Variants in ZNF385B observed in about 807,000 individuals in gnomAD.
ZNF385B encodes zinc finger protein 385B, also known as zinc finger protein 533.
Under a neutral mutation model 39.2 loss-of-function variants are expected in ZNF385B, and 23 were observed. That is an observed-to-expected ratio of 0.59 (90% CI 0.42 to 0.83). ZNF385B has a LOEUF of 0.83. ZNF385B is among the 40% of genes least tolerant of loss of function. ZNF385B has a pLI of 0.00. For missense variants in ZNF385B, 552 were observed against 598.9 expected (o/e 0.92, Z 0.82); for synonymous variants, 205 against 222.6 (o/e 0.92, Z 0.70).
intron 5 of ZNF385B, among the ~76,000 whole-genome samples, chr2:179,507,757 T>C (rs79552134): frequency 8.9e-4 from 136 of 152,330 alleles, no homozygotes; most frequent in African/African-American, 3.2e-3. Flanking sequence ...AAATAACTCA[T>C]GTTAACCAGC....
intron 3 of ZNF385B, among the ~76,000 whole-genome samples, chr2:179,739,389 T>A (rs1248403669): frequency 6.6e-6 from 1 of 152,190 alleles, no homozygotes; most frequent in Non-Finnish European, 1.5e-5. Context: ...TAGAGGGATA[T>A]AAAGCACTGC....
intron 6 of ZNF385B, among the ~76,000 whole-genome samples, chr2:179,472,249 A>G (rs1302223882): frequency 6.6e-6 from 1 of 152,228 alleles, no homozygotes; most frequent in East Asian, 1.9e-4. Flanking sequence ...TATTAATCAT[A>G]TGTCCTACAG....
rs528400789 is a variant in ZNF385B, at chr2:179,666,038, T to C, written c.298+103465A>G. Among the ~76,000 whole-genome samples, 5 of 152,292 alleles carry C rather than the reference T, an allele frequency of 3.3e-5. No homozygotes were observed. The East Asian group carries it at 9.6e-4, about 29-fold the overall frequency. On this transcript the variant is annotated intron_variant, in intron 3 of 9. Transcript: ENST00000410066. ...ATTCAGAGGGAGATGGACAAGACCA[T>C]GAAACTTTGTACAAGTCGCACAGTT...
intron 3 of ZNF385B, among the ~76,000 whole-genome samples, chr2:179,610,274 T>C (rs535831999): frequency 6.6e-6 from 1 of 152,266 alleles, no homozygotes; most frequent in Non-Finnish European, 1.5e-5. Context: ...TCTGCATATG[T>C]ATATTCAATT....
At chr2:179,481,577 G>A (rs924751642) in intron 6 of ZNF385B, among the ~76,000 whole-genome samples, 1 of 151,962 alleles carries the variant, frequency 6.6e-6, no homozygotes, top group African/African-American at 2.4e-5. Flanking sequence ...AACTTAAGTG[G>A]AACACTGAGT....
At chr2:179,582,904 C>T (rs1163820740) in intron 3 of ZNF385B, among the ~76,000 whole-genome samples, 1 of 152,130 alleles carries the variant, frequency 6.6e-6, no homozygotes, top group Non-Finnish European at 1.5e-5. Context: ...GGCTGGAGTG[C>T]AGTCATGCAG....
At chr2:179,784,223 C>A (rs1001696088) in intron 1 of ZNF385B, among the ~76,000 whole-genome samples, 1 of 152,130 alleles carries the variant, frequency 6.6e-6, no homozygotes, top group African/African-American at 2.4e-5. Flanking sequence ...AATGCAAGAA[C>A]AGAAAACGGA....
intron 3 of ZNF385B, among the ~76,000 whole-genome samples, chr2:179,575,914 G>C (rs573868497): frequency 5.2e-4 from 79 of 152,120 alleles, no homozygotes; most frequent in Admixed American, 8.5e-4. Context: ...AAATCTATTA[G>C]AATTTCCTCA....
chr2:179,554,866 A>G lies in ZNF385B; in HGVS notation c.299-9897T>C, dbSNP rs904300743. On this transcript the variant is annotated intron_variant, in intron 3 of 9. Transcript: ENST00000410066. ...AAGATGAAGATAATATTAAGTGTCGACAAGGATACAGAGCAACTAGAACTC... is the reference window on the plus strand; with the variant it reads ...AAGATGAAGATAATATTAAGTGTCGGCAAGGATACAGAGCAACTAGAACTC... 1.0e-4 allele frequency among the ~76,000 whole-genome samples: 15 copies of G among 149,412 alleles called. 2 individuals are homozygous for G. The highest frequency in any genetic ancestry group is 3.5e-4 in the African/African-American group (14 of 39,692).
chr2:179,726,472 A>T (rs888294049), intron 3 of ZNF385B, among the ~76,000 whole-genome samples: 5 of 152,020 alleles, frequency 3.3e-5, no homozygotes, highest in Non-Finnish European at 5.9e-5. Flanking sequence ...TCTGTTGCTC[A>T]TTAGGATATG....
At chr2:179,582,926 T>C (rs1686695862) in intron 3 of ZNF385B, among the ~76,000 whole-genome samples, 1 of 152,222 alleles carries the variant, frequency 6.6e-6, no homozygotes, top group African/African-American at 2.4e-5. Flanking sequence ...CTCAGTTCAC[T>C]GCAACCTCTG....
At chr2:179,562,705 G>A (rs1395350996) in intron 3 of ZNF385B, 2 of 547,878 alleles carry the variant, frequency 3.7e-6, no homozygotes, top group African/African-American at 4.1e-5. Flanking sequence ...TAATTTTTCT[G>A]AGTATCCCCC....
intron 4 of ZNF385B, among the ~76,000 whole-genome samples, chr2:179,541,741 A>G (rs2059930827): frequency 2.0e-5 from 3 of 152,172 alleles, no homozygotes; most frequent in Admixed American, 2.0e-4. Context: ...TATTATACAC[A>G]TTCAAAAAAA....
At chr2:179,560,962 C>A (rs931538635) in intron 3 of ZNF385B, among the ~76,000 whole-genome samples, 2 of 152,140 alleles carry the variant, frequency 1.3e-5, no homozygotes, top group African/African-American at 2.4e-5. Flanking sequence ...CGTGCTCCCA[C>A]GACGGTATCT....
At chr2:179,700,453 G>A (rs1699103783) in intron 3 of ZNF385B, among the ~76,000 whole-genome samples, 1 of 147,488 alleles carries the variant, frequency 6.8e-6, no homozygotes, top group South Asian at 2.2e-4. Flanking sequence ...TATGTGCCAG[G>A]GGCTCCCTGG....
At position 179,815,112 on chromosome 2, in the gene ZNF385B, T is replaced by C. The variant is rs918512762; in HGVS notation, c.-154-44440A>G. Among the ~76,000 whole-genome samples, 5 of 152,172 alleles carry C rather than the reference T, an allele frequency of 3.3e-5. No individual in the cohort carries two copies. The East Asian group carries it at 5.8e-4, about 18-fold the overall frequency. On this transcript the variant is annotated intron_variant, in intron 1 of 9. Transcript: ENST00000410066. The stretch of plus-strand genomic sequence containing the variant: ...TGTGCTTTCAAAACGGGAAGAGCTA[T>C]GAGCAAACAAATCGATGAGCTGGGA...
At chr2:179,501,539 G>T (rs567511018) in intron 5 of ZNF385B, among the ~76,000 whole-genome samples, 3 of 152,064 alleles carry the variant, frequency 2.0e-5, no homozygotes, top group African/African-American at 7.2e-5. Flanking sequence ...AACAATTAAA[G>T]TCATGGACAC....
rs561352262 is a variant in ZNF385B, at chr2:179,628,942, C to G, written c.299-83973G>C. On this transcript the variant is annotated intron_variant, in intron 3 of 9. Coordinates refer to ENST00000410066, the MANE Select transcript of ZNF385B (RefSeq NM_152520.6). ...TCAAGGGTAACAGAAAGCTTATTTT[C>G]TTTTTTAAAACTTTTTGCTATCATT... Among the ~76,000 whole-genome samples the G allele has an allele frequency of 9.1e-4, 138 of 152,008 alleles. 1 individual carries two copies. Among genetic ancestry groups the G allele is most frequent in the Non-Finnish European group, 1.8e-3 (119 of 67,974 alleles).
At chr2:179,597,305 A>G (rs1448709697) in intron 3 of ZNF385B, among the ~76,000 whole-genome samples, 1 of 152,186 alleles carries the variant, frequency 6.6e-6, no homozygotes, top group Non-Finnish European at 1.5e-5. Flanking sequence ...TCTGGGTTTT[A>G]TATTTTTATG....
Sources: gnomAD v4.1 joint callset for allele counts (sites outside exome capture counted in the v4.1 genomes callset) on GRCh38, gnomAD v4.1.1 for gene constraint, MANE v1.5 for transcripts, NCBI Gene and HGNC (gene_info 2026-07-23, HGNC 2026-07-21) for gene names.